TYR: variants seen among roughly 807,000 people sequenced by gnomAD.
TYR encodes LB24-AB.
Under a neutral mutation model 51.5 loss-of-function variants are expected in TYR, and 58 were observed. The ratio of observed to expected loss-of-function variants is 1.13; its 90% CI spans 0.91 to 1.40. The LOEUF is 1.40. Among genes scored for constraint, TYR ranks in the 40% most tolerant of loss-of-function variants. The pLI, the probability that TYR is intolerant of heterozygous loss-of-function variation, is 0.00. For synonymous variants in TYR, 263 were observed against 235.2 expected, an observed-to-expected ratio of 1.12 and a Z score of -1.08; for missense variants, 732 against 647.4, an observed-to-expected ratio of 1.13 and a Z score of -1.42.
intron 3 of TYR, among the ~76,000 whole-genome samples, chr11:89,272,862 A>G (rs1419123951): frequency 6.6e-6 from 1 of 151,896 alleles, no homozygotes; most frequent in African/African-American, 2.4e-5. Context: ...AAAACTCTTG[A>G]ACAACTGCCA....
In TYR at chr11:89,191,418, G is replaced by A. The variant is rs1013801316; in HGVS notation, c.1036G>A (p.Gly346Arg). 16 of 1,612,386 alleles carry A rather than the reference G, an allele frequency of 9.9e-6. No individual in the cohort carries two copies. The highest frequency in any genetic ancestry group is 1.4e-5 in the Non-Finnish European group (16 of 1,178,802). Residue 346 changes from glycine (G) to arginine (R), a missense_variant and splice_region_variant, in exon 2 of 5, where the codon GGA (glycine) becomes AGA (arginine). By Grantham distance (125) the Gly-to-Arg change is moderately radical. Transcript: ENST00000263321. ...ANFSFRNTLEGFASPLTGIAD... is the reference protein window; with the variant it reads ...ANFSFRNTLERFASPLTGIAD... ...TTTCAGCTTTAGAAATACACTGGAA[G>A]GTAATCTCTTTCTTTTCACTTTTAA...
chr11:89,199,936 C>T (rs765098957), intron 2 of TYR, among the ~76,000 whole-genome samples: 9 of 152,146 alleles, frequency 5.9e-5, no homozygotes, highest in Non-Finnish European at 1.2e-4. Context: ...TAATAATACA[C>T]CTTTTCTAAG....
chr11:89,177,969 T>G lies in TYR; in HGVS notation c.16T>G (p.Leu6Val). Residue 6 changes from leucine (L) to valine (V), a missense_variant, in exon 1 of 5, where the codon TTG (leucine) becomes GTG (valine). By Grantham distance (32) the Leu-to-Val change is conservative (BLOSUM62 1). Coordinates refer to ENST00000263321, the MANE Select transcript of TYR (RefSeq NM_000372.5). MLLAV[L>V]YCLLWSFQTS... is the part of the protein sequence containing the mutation. ...TAGAGGAAGAATGCTCCTGGCTGTT[T>G]TGTACTGCCTGCTGTGGAGTTTCCA... The G allele has an allele frequency of 2.5e-6, 4 of 1,614,168 alleles. No homozygotes were observed. The highest frequency in any genetic ancestry group is 3.4e-6 in the Non-Finnish European group (4 of 1,180,030).
chr11:89,187,635 A>T (rs2135249850), intron 1 of TYR, among the ~76,000 whole-genome samples: 1 of 152,198 alleles, frequency 6.6e-6, no homozygotes, highest in East Asian at 1.9e-4. Context: ...TTCAAATATT[A>T]ACTCCCCCCG....
intron 2 of TYR, among the ~76,000 whole-genome samples, chr11:89,198,213 T>C (rs1453658892): frequency 6.6e-6 from 1 of 150,510 alleles, no homozygotes; most frequent in African/African-American, 2.5e-5. Context: ...CCTTAGTTCA[T>C]GCAACAACAA....
Position 89,284,823 on chromosome 11 carries a change from C to T in TYR, c.1235C>T (p.Pro412Leu), listed in dbSNP as rs1362405870. 6.2e-7 allele frequency: 1 copy of T among 1,611,756 alleles called. No individual in the cohort carries two copies. The highest frequency in any genetic ancestry group is 1.3e-5 in the African/African-American group (1 of 74,738). ...CACCGTCCTCTTCAAGAAGTTTATC[C>T]AGAAGCCAATGCACCCATTGGACAT... ...RRHRPLQEVY[P>L]EANAPIGHNR... The change falls in exon 4 of 5, where the codon CCA becomes CTA. Residue 412 changes from proline to leucine, a missense_variant. Coordinates refer to ENST00000263321, the MANE Select transcript of TYR (RefSeq NM_000372.5).
intron 2 of TYR, among the ~76,000 whole-genome samples, chr11:89,220,199 G>A (rs914489886): frequency 1.2e-4 from 19 of 152,108 alleles, no homozygotes; most frequent in Admixed American, 1.1e-3. Context: ...AGGAAGCACA[G>A]TGCTGACATC....
rs534312511 is a variant in TYR at position 89,255,126 on chromosome 11, G to A, written c.1184+27156G>A. Among the ~76,000 whole-genome samples the A allele has an allele frequency of 1.3e-5, 2 of 151,864 alleles. 1 individual carries two copies. The highest frequency in any genetic ancestry group is 4.1e-4 in the South Asian group (2 of 4,824). On this transcript the variant is annotated intron_variant, in intron 3 of 4. Transcript: ENST00000263321. Reference sequence around the variant, plus strand: ...TTGTATGTATTTGCCTGGTTTTGAAGGTTCCTTTTGGAGTTGATTTCCAAT... The same window carrying A: ...TTGTATGTATTTGCCTGGTTTTGAAAGTTCCTTTTGGAGTTGATTTCCAAT...
At chr11:89,231,004 C>T (rs900729747) in intron 3 of TYR, among the ~76,000 whole-genome samples, 1 of 151,230 alleles carries the variant, frequency 6.6e-6, no homozygotes, top group Non-Finnish European at 1.5e-5. Context: ...TACCCCTTCT[C>T]TACTAAAAAT....
chr11:89,219,123 C>T (rs1943873824), intron 2 of TYR, among the ~76,000 whole-genome samples: 2 of 152,120 alleles, frequency 1.3e-5, no homozygotes, highest in Admixed American at 1.3e-4. Context: ...CTTAAAGTTA[C>T]TGTCTTGCAT....
intron 2 of TYR, among the ~76,000 whole-genome samples, chr11:89,211,795 A>G (rs1490014945): frequency 6.6e-6 from 1 of 152,214 alleles, no homozygotes; most frequent in Admixed American, 6.5e-5. Flanking sequence ...TAAGAAATTC[A>G]CTCAAAACCA....
In TYR at chr11:89,280,248, T is replaced by G. The variant is rs1175688931; in HGVS notation, c.1185-4525T>G. Among the ~76,000 whole-genome samples the G allele has an allele frequency of 2.0e-5, 3 of 151,804 alleles. No individual in the cohort carries two copies. In the East Asian group the frequency reaches 5.8e-4, roughly 30 times the overall value. On this transcript the variant is annotated intron_variant, in intron 3 of 4. Transcript: ENST00000263321. Reference sequence around the variant, plus strand: ...CCCAGTTCCCTTTACTGGAGAATATTTCTTCTGTTCTGCCTACTTTTTCTT... The same window carrying G: ...CCCAGTTCCCTTTACTGGAGAATATGTCTTCTGTTCTGCCTACTTTTTCTT...
intron 3 of TYR, among the ~76,000 whole-genome samples, chr11:89,272,625 A>C (rs1311747635): frequency 6.6e-6 from 1 of 151,906 alleles, no homozygotes; most frequent in Non-Finnish European, 1.5e-5. Context: ...GAGTTAGCCC[A>C]TCCTTTGAAG....
At chr11:89,191,485 C>T in intron 2 of TYR, 67 bp downstream of exon 2, 1 of 1,473,616 alleles carries the variant, frequency 6.8e-7, no homozygotes, top group South Asian at 1.2e-5. Context: ...TATCCAAAGT[C>T]CTAGGAGGTA....
chr11:89,218,441 C>T (rs575961060), intron 2 of TYR, among the ~76,000 whole-genome samples: 146 of 151,968 alleles, frequency 9.6e-4, no homozygotes, highest in Admixed American at 3.6e-3. Flanking sequence ...TTAAAAGAGG[C>T]AAATTTAAGT....
At chr11:89,285,835 C>G (rs933999212) in intron 4 of TYR, among the ~76,000 whole-genome samples, 7 of 151,796 alleles carry the variant, frequency 4.6e-5, no homozygotes, top group African/African-American at 1.7e-4. Flanking sequence ...TGTAATTCAC[C>G]TAACGCATGA....
intron 3 of TYR, among the ~76,000 whole-genome samples, chr11:89,229,414 T>A (rs551593370): frequency 4.4e-4 from 67 of 152,198 alleles, no homozygotes; most frequent in African/African-American, 1.5e-3. Context: ...TTTTAAAGAA[T>A]CATTTTTATA....
At chr11:89,212,154 A>T (rs1016864020) in intron 2 of TYR, among the ~76,000 whole-genome samples, 1 of 152,212 alleles carries the variant, frequency 6.6e-6, no homozygotes, top group Non-Finnish European at 1.5e-5. Context: ...TGAATCCACG[A>T]GCTGTTTTTT....
chr11:89,190,732 T>C lies in TYR; in HGVS notation c.820-470T>C, dbSNP rs183745506. Among the ~76,000 whole-genome samples the C allele has an allele frequency of 3.3e-3, 496 of 152,236 alleles. 1 individual carries two copies. Among genetic ancestry groups the C allele is most frequent in the African/African-American group, 6.5e-3 (270 of 41,552 alleles). The stretch of plus-strand genomic sequence containing the variant: ...CTTATTCCCTCACTTACTTACCCAA[T>C]GCAACTTCTAGTCCTGCAAGGTCCA... On this transcript the variant is annotated intron_variant, in intron 1 of 4. Transcript: ENST00000263321.
Sources: gnomAD v4.1 joint callset for allele counts (sites outside exome capture counted in the v4.1 genomes callset) on GRCh38, gnomAD v4.1.1 for gene constraint, MANE v1.5 for transcripts, NCBI Gene and HGNC (gene_info 2026-07-23, HGNC 2026-07-21) for gene names.